Variants in ACBD4 observed in about 807,000 individuals in gnomAD.
The protein encoded by ACBD4 is acyl-CoA-binding domain-containing protein 4.
ACBD4 carries 41 observed loss-of-function variants against 46.0 expected under a neutral mutation model. That is an observed-to-expected ratio of 0.89 (90% CI 0.69 to 1.16). The LOEUF (loss-of-function observed/expected upper bound fraction) is 1.16. Ranked by LOEUF, ACBD4 falls within the 50% of genes most tolerant of loss-of-function variation. ACBD4 has a pLI of 0.00. For synonymous variants in ACBD4, 162 were observed against 155.9 expected (o/e 1.04, Z -0.29); for missense variants, 393 against 399.5 (o/e 0.98, Z 0.14).
At chr17:45,139,865 C>T (rs574387943) in intron 9 of ACBD4, among the ~76,000 whole-genome samples, 117 of 152,344 alleles carry the variant, frequency 7.7e-4, no homozygotes, top group South Asian at 1.9e-3. Context: ...CTTCTCCAGT[C>T]GGTTCTGTTG....
Position 45,139,100 on chromosome 17 carries a change from CATGCAGGAG to C in ACBD4, c.730_738del (p.Met244_Glu246del). ...GGACAGTTCGAGCACTACAGGAGAG[CATGCAGGAG>C]GTGCAGGCGAGGGTGCAGAGCCTGG... On this transcript the variant is annotated inframe_deletion, in exon 9 of 10. Transcript: ENST00000321854. 6.2e-7 allele frequency: 1 copy of C among 1,613,930 alleles called. No homozygotes were observed. The highest frequency in any genetic ancestry group is 8.5e-7 in the Non-Finnish European group (1 of 1,180,040).
rs1240577537 is a variant in ACBD4, at chr17:45,144,112, T to G, written c.*541T>G. On this transcript the variant is annotated 3_prime_UTR_variant, in exon 10 of 10. Transcript: ENST00000321854. ...CGGCCCCCTCCGCCCCCACACACAC[T>G]CGGGACGTCTTCATTGAAGATTCAC... The G allele has an allele frequency of 1.3e-5, 2 of 155,580 alleles. No homozygotes were observed. The highest frequency in any genetic ancestry group is 2.8e-5 in the Non-Finnish European group (2 of 70,344). The allele number at this position is 155,580 out of a possible 1,614,324, so 9.6% of individuals were successfully genotyped here.
upstream of ACBD4, among the ~76,000 whole-genome samples, chr17:45,131,689 C>T (rs1598041354): frequency 6.6e-6 from 1 of 152,262 alleles, no homozygotes; most frequent in African/African-American, 2.4e-5. Flanking sequence ...TACATTCCTT[C>T]TCCACGACTG....
upstream of ACBD4, chr17:45,132,498 G>C: frequency 1.2e-6 from 1 of 850,636 alleles, no homozygotes; most frequent in Non-Finnish European, 1.5e-6. This position sits in a 1 kb window ranked among gnomAD's most constrained non-coding sequence, Gnocchi z 4.6. Flanking sequence ...CCGGCTCTGA[G>C]CGAGGCGGCG....
chr17:45,139,236 T>C (rs2055105747), intron 9 of ACBD4, 76 bp downstream of exon 9: 2 of 1,538,526 alleles, frequency 1.3e-6, no homozygotes, highest in Non-Finnish European at 1.8e-6. Flanking sequence ...CCAGCCACTT[T>C]TGTTTTTGTC....
upstream of ACBD4, among the ~76,000 whole-genome samples, chr17:45,134,321 CAATA>C (rs1436554864): frequency 6.6e-6 from 1 of 151,570 alleles, no homozygotes; most frequent in Non-Finnish European, 1.5e-5. Context: ...TTGAAATATA[CAATA>C]AATTGGCCGG....
At chr17:45,134,543 G>A (rs1291152325), upstream of ACBD4, among the ~76,000 whole-genome samples, 5 of 152,294 alleles carry the variant, frequency 3.3e-5, no homozygotes. Context: ...TTGGGAGGCC[G>A]AGGTCGGCGG....
rs751969715 is a variant in ACBD4, at chr17:45,136,251, G to A, written c.88+19G>A. 42 of 1,610,748 alleles carry A rather than the reference G, an allele frequency of 2.6e-5. No homozygotes were observed. Among genetic ancestry groups the A allele is most frequent in the Non-Finnish European group, 3.4e-5 (40 of 1,178,508 alleles). Reference sequence around the variant, plus strand: ...AAGAACGGTGAGGCTGCGGGGACTCGCATTTGGACTCGCATTCAGGACGCC... The same window carrying A: ...AAGAACGGTGAGGCTGCGGGGACTCACATTTGGACTCGCATTCAGGACGCC... On this transcript the variant is annotated intron_variant, in intron 2 of 9. Coordinates refer to ENST00000321854, the MANE Select transcript of ACBD4 (RefSeq NM_001135705.3).
intron 9 of ACBD4, among the ~76,000 whole-genome samples, chr17:45,140,871 G>A (rs1453083625): frequency 6.6e-6 from 1 of 152,074 alleles, no homozygotes; most frequent in Non-Finnish European, 1.5e-5. Flanking sequence ...AACTTAGCTG[G>A]GCGAGGTGGC....
rs1159910035 is a variant in ACBD4 at position 45,138,004 on chromosome 17, A to G, written c.649+16A>G. On this transcript the variant is annotated intron_variant, in intron 8 of 9. Transcript: ENST00000321854. ...ACAAAGAAAGGTGAGCTCCTACCCA[A>G]CCTCTCACCCACTTCTGCCCTTTCC... is the stretch of plus-strand genomic sequence containing the variant. 1 of 1,608,926 alleles carries G rather than the reference A, an allele frequency of 6.2e-7. No individual in the cohort carries two copies. Among genetic ancestry groups the G allele is most frequent in the Non-Finnish European group, 8.5e-7 (1 of 1,177,868 alleles).
At chr17:45,142,260 G>A (rs1198300933) in intron 9 of ACBD4, among the ~76,000 whole-genome samples, 2 of 151,470 alleles carry the variant, frequency 1.3e-5, no homozygotes, top group Non-Finnish European at 2.9e-5. Flanking sequence ...AGGCATGGTG[G>A]CAGGTTTCTG....
At chr17:45,141,930 CAA>C (rs562474622) in intron 9 of ACBD4, among the ~76,000 whole-genome samples, 3 of 129,378 alleles carry the variant, frequency 2.3e-5, no homozygotes, top group Non-Finnish European at 1.7e-5. Flanking sequence ...TAGTAATTGC[CAA>C]AAAAAAAAAA....
chr17:45,139,182 G>A, intron 9 of ACBD4, 22 bp downstream of exon 9: 2 of 1,612,194 alleles, frequency 1.2e-6, no homozygotes, highest in Non-Finnish European at 1.7e-6. Context: ...CACCCCATAG[G>A]ACAAGATGAT....
upstream of ACBD4, among the ~76,000 whole-genome samples, chr17:45,133,846 G>A (rs574613401): frequency 3.9e-5 from 6 of 151,936 alleles, no homozygotes; most frequent in South Asian, 1.2e-3. Flanking sequence ...TTTTCTTCTT[G>A]ATTATCGTAT....
rs370856181 is a variant in ACBD4, at chr17:45,136,213, C to T, written c.69C>T (p.Ile23=). The T allele has an allele frequency of 8.7e-6, 14 of 1,613,390 alleles. No individual in the cohort carries two copies. Among genetic ancestry groups the T allele is most frequent in the Non-Finnish European group, 8.5e-6 (10 of 1,179,770 alleles). The change falls in exon 2 of 10, where the codon ATC becomes ATT. Residue 23 remains isoleucine (I), a synonymous_variant. Transcript: ENST00000321854. ...AGTTCCAGGCTGCAGTGAGCGTCATCCAGAACCTGCCCAAGAACGGTGAGG... is the reference window on the plus strand; with the variant it reads ...AGTTCCAGGCTGCAGTGAGCGTCATTCAGAACCTGCCCAAGAACGGTGAGG... ...QKQFQAAVSV[I]QNLPKNGSYR... is the part of the protein sequence containing the mutation.
chr17:45,131,789 G>C (rs1339665843), upstream of ACBD4, among the ~76,000 whole-genome samples: 1 of 152,236 alleles, frequency 6.6e-6, no homozygotes, highest in Non-Finnish European at 1.5e-5. Context: ...GGCCGCCTCT[G>C]TGGGGCCGCG....
At position 45,143,374 on chromosome 17, in the gene ACBD4, G is replaced by A. The variant is rs191409846; in HGVS notation, c.790-69G>A. ...GTCTTTCCAATCTTCCACTGAATTG[G>A]AAGCAGGTTCCTAGGGAGGCTGTGC... On this transcript the variant is annotated intron_variant, in intron 9 of 9. Coordinates refer to ENST00000321854, the MANE Select transcript of ACBD4 (RefSeq NM_001135705.3). The A allele has an allele frequency of 1.9e-3, 2,462 of 1,323,190 alleles. 6 individuals are homozygous for A. The highest frequency in any genetic ancestry group is 4.1e-3 in the Admixed American group (158 of 38,120). 82.0% of individuals were successfully genotyped at this position (1,323,190 alleles called of 1,614,324 possible). A position where few individuals can be genotyped will look rare whatever the true frequency, so the allele number is the denominator to read the frequency against.
intron 8 of ACBD4, chr17:45,138,332 A>C: frequency 2.4e-6 from 1 of 419,786 alleles, no homozygotes; most frequent in South Asian, 2.9e-5. Context: ...TGGAAATCTC[A>C]GAAGACAATG....
chr17:45,136,254 T>A lies in ACBD4; in HGVS notation c.88+22T>A, dbSNP rs1466409922. 2.5e-6 allele frequency: 4 copies of A among 1,611,098 alleles called. No individual in the cohort carries two copies. In the East Asian group the frequency reaches 6.7e-5, roughly 27 times the overall value. On this transcript the variant is annotated intron_variant, in intron 2 of 9. Coordinates refer to ENST00000321854, the MANE Select transcript of ACBD4 (RefSeq NM_001135705.3). Reference sequence around the variant, plus strand: ...AACGGTGAGGCTGCGGGGACTCGCATTTGGACTCGCATTCAGGACGCCTGG... The same window carrying A: ...AACGGTGAGGCTGCGGGGACTCGCAATTGGACTCGCATTCAGGACGCCTGG...
Sources: allele counts gnomAD v4.1 joint callset (sites outside exome capture counted in the v4.1 genomes callset), GRCh38; gene constraint gnomAD v4.1.1; non-coding constraint Gnocchi (gnomAD v3.1); transcripts MANE v1.5; gene names NCBI Gene and HGNC (gene_info 2026-07-23, HGNC 2026-07-21).